Variants in RDX observed in about 807,000 individuals in gnomAD.
RDX encodes the protein deafness, autosomal recessive 24.
In RDX, 32 loss-of-function variants were observed where a neutral mutation model predicts 83.7. The ratio of observed to expected loss-of-function variants is 0.38; its 90% CI spans 0.29 to 0.51. The LOEUF (loss-of-function observed/expected upper bound fraction) is 0.51, where lower values mean the gene tolerates loss of function less well. Among genes scored for constraint, RDX ranks in the 20% least tolerant of loss-of-function variants. The pLI is 0.87. For missense variants in RDX, 600 were observed against 689.9 expected, an observed-to-expected ratio of 0.87 and a Z score of 1.46; for synonymous variants, 229 against 222.7, an observed-to-expected ratio of 1.03 and a Z score of -0.25.
chr11:110,268,746 C>G (rs543856577), intron 3 of RDX, among the ~76,000 whole-genome samples: 1 of 152,064 alleles, frequency 6.6e-6, no homozygotes, highest in Admixed American at 6.6e-5. Flanking sequence ...TGGTTCTCTA[C>G]TTCTTCAGAA....
At chr11:110,214,038 T>A (rs1863936851) in intron 14 of RDX, among the ~76,000 whole-genome samples, 1 of 80,916 alleles carries the variant, frequency 1.2e-5, no homozygotes. Flanking sequence ...GAAACTACCA[T>A]CAGAGTGAAC....
intron 10 of RDX, among the ~76,000 whole-genome samples, chr11:110,246,719 C>T (rs1391877516): frequency 7.1e-6 from 1 of 141,238 alleles, no homozygotes; most frequent in African/African-American, 2.7e-5. Flanking sequence ...CACTGTACTC[C>T]AGCACAGATG....
chr11:110,241,756 G>A (rs934432170), intron 10 of RDX, among the ~76,000 whole-genome samples: 7 of 152,184 alleles, frequency 4.6e-5, no homozygotes, highest in African/African-American at 1.4e-4. Context: ...GTTCATAACA[G>A]TATTATTCAC....
At chr11:110,262,518 G>A (rs1859846261) in intron 5 of RDX, among the ~76,000 whole-genome samples, 1 of 151,940 alleles carries the variant, frequency 6.6e-6, no homozygotes, top group South Asian at 2.1e-4. Flanking sequence ...AATCCGGGAG[G>A]CGGAGGTTGC....
At chr11:110,218,874 T>C (rs1864150025) in intron 14 of RDX, among the ~76,000 whole-genome samples, 1 of 152,146 alleles carries the variant, frequency 6.6e-6, no homozygotes, top group South Asian at 2.1e-4. Flanking sequence ...CTCTCAGAGC[T>C]CATCTATCCA....
chr11:110,227,637 T>TA (rs1864476830), downstream of RDX, among the ~76,000 whole-genome samples: 2 of 150,556 alleles, frequency 1.3e-5, no homozygotes, highest in East Asian at 3.8e-4. Context: ...AAGGCTAAGA[T>TA]AAGTTAATAT....
At chr11:110,288,084 AG>A (rs1861058432) in intron 1 of RDX, among the ~76,000 whole-genome samples, 2 of 152,338 alleles carry the variant, frequency 1.3e-5, no homozygotes, top group African/African-American at 4.8e-5. Flanking sequence ...ATTTCCTGTA[AG>A]GGTGAGAGGC....
At chr11:110,193,041 A>C (rs1863132407) in intron 15 of RDX, among the ~76,000 whole-genome samples, 1 of 152,150 alleles carries the variant, frequency 6.6e-6, no homozygotes, top group African/African-American at 2.4e-5. Context: ...AAAAGAAATC[A>C]CTCTACCAGA....
At chr11:110,211,963 A>G (rs1863854123) in intron 14 of RDX, among the ~76,000 whole-genome samples, 1 of 142,690 alleles carries the variant, frequency 7.0e-6, no homozygotes, top group African/African-American at 2.6e-5. Flanking sequence ...AAGCTAGCAG[A>G]AGGCAAGAAA....
chr11:110,285,504 AG>A (rs1160726773), intron 1 of RDX, among the ~76,000 whole-genome samples: 1 of 152,170 alleles, frequency 6.6e-6, no homozygotes, highest in Non-Finnish European at 1.5e-5. Context: ...ACTTAAGGTC[AG>A]GAGTTCGAGA....
intron 10 of RDX, among the ~76,000 whole-genome samples, chr11:110,244,604 T>A (rs1220549534): frequency 1.3e-5 from 2 of 152,128 alleles, no homozygotes; most frequent in Non-Finnish European, 2.9e-5. Flanking sequence ...GTATGGGATT[T>A]CTTTTTGGGA....
At chr11:110,223,761 G>A (rs1396800866) in intron 14 of RDX, among the ~76,000 whole-genome samples, 2 of 152,122 alleles carry the variant, frequency 1.3e-5, no homozygotes, top group Non-Finnish European at 2.9e-5. Context: ...ATCAACTACA[G>A]TTTTTGACTT....
intron 1 of RDX, among the ~76,000 whole-genome samples, chr11:110,283,571 A>C (rs1860851282): frequency 6.6e-6 from 1 of 152,180 alleles, no homozygotes. Context: ...TATTTTTTTC[A>C]AAAAGAAAGG....
chr11:110,253,877 ACTGAG>A, intron 9 of RDX, 64 bp downstream of exon 9: 1 of 1,350,606 alleles, frequency 7.4e-7, no homozygotes, highest in South Asian at 1.2e-5. Context: ...CATTTAAAAA[ACTGAG>A]CAGTCTTAAA....
chr11:110,270,042 T>C (rs1218198171), intron 3 of RDX, among the ~76,000 whole-genome samples: 1 of 151,718 alleles, frequency 6.6e-6, no homozygotes, highest in Non-Finnish European at 1.5e-5. Flanking sequence ...AGAGCCAATC[T>C]AAAAAAAAAT....
At chr11:110,224,038 A>G (rs1057355943) in intron 14 of RDX, among the ~76,000 whole-genome samples, 9 of 152,152 alleles carry the variant, frequency 5.9e-5, no homozygotes, top group Non-Finnish European at 1.3e-4. Context: ...AAAACAAAAA[A>G]AAAGAAAAGA....
intron 10 of RDX, among the ~76,000 whole-genome samples, chr11:110,242,910 C>T (rs983178509): frequency 5.9e-5 from 9 of 151,476 alleles, no homozygotes; most frequent in African/African-American, 2.2e-4. Flanking sequence ...AACATAGCCA[C>T]CCTCATTTGT....
At chr11:110,239,903 C>T (rs1324604783) in intron 10 of RDX, among the ~76,000 whole-genome samples, 4 of 149,816 alleles carry the variant, frequency 2.7e-5, no homozygotes, top group African/African-American at 4.9e-5. Flanking sequence ...AAGGAACACT[C>T]ATACACTGTT....
At chr11:110,274,550 G>A (rs1417261435) in intron 2 of RDX, among the ~76,000 whole-genome samples, 1 of 152,048 alleles carries the variant, frequency 6.6e-6, no homozygotes, top group African/African-American at 2.4e-5. Flanking sequence ...GGAGCACAGT[G>A]GCAGAATCCC....
Sources: gnomAD v4.1 joint callset for allele counts (sites outside exome capture counted in the v4.1 genomes callset) on GRCh38, gnomAD v4.1.1 for gene constraint, MANE v1.5 for transcripts, NCBI Gene and HGNC (gene_info 2026-07-23, HGNC 2026-07-21) for gene names.